AUTS2: variants seen among roughly 807,000 people sequenced by gnomAD.
AUTS2 encodes the protein activator of transcription and developmental regulator AUTS2.
Under a neutral mutation model 112.4 loss-of-function variants are expected in AUTS2, and 17 were observed. The ratio of observed to expected loss-of-function variants is 0.15; its 90% CI spans 0.10 to 0.23. The LOEUF (loss-of-function observed/expected upper bound fraction) is 0.23, where lower values mean the gene tolerates loss of function less well. Among genes scored for constraint, AUTS2 ranks in the 10% least tolerant of loss-of-function variants. The pLI, the probability that AUTS2 is intolerant of heterozygous loss-of-function variation, is 1.00. For missense variants in AUTS2, 1,510 were observed against 1,701.6 expected, an observed-to-expected ratio of 0.89 and a Z score of 1.98; for synonymous variants, 751 against 702.7, an observed-to-expected ratio of 1.07 and a Z score of -1.09.
chr7:70,387,078 T>C (rs1418646656), intron 4 of AUTS2, among the ~76,000 whole-genome samples: 2 of 152,144 alleles, frequency 1.3e-5, no homozygotes, highest in Non-Finnish European at 2.9e-5. Context: ...TACTCCACGT[T>C]CACACTTTTT....
intron 4 of AUTS2, among the ~76,000 whole-genome samples, chr7:70,315,925 T>A (rs1789973747): frequency 6.6e-6 from 1 of 152,240 alleles, no homozygotes. Flanking sequence ...GTACATATAT[T>A]ATTTAGTTGC....
chr7:70,345,613 G>T (rs1312870352), intron 4 of AUTS2, among the ~76,000 whole-genome samples: 1 of 152,092 alleles, frequency 6.6e-6, no homozygotes, highest in South Asian at 2.1e-4. Context: ...ACTATGAAAA[G>T]TAGACTATGT....
chr7:70,608,746 A>C (rs1014282654), intron 5 of AUTS2, among the ~76,000 whole-genome samples: 5 of 151,964 alleles, frequency 3.3e-5, no homozygotes, highest in African/African-American at 1.2e-4. Context: ...GGGAAAGTAG[A>C]TATGGCAGAG....
chr7:70,616,458 A>G (rs943911549), intron 5 of AUTS2, among the ~76,000 whole-genome samples: 5 of 152,190 alleles, frequency 3.3e-5, no homozygotes, highest in African/African-American at 1.2e-4. Flanking sequence ...GACGGGGCTG[A>G]TGCAGCTGCC....
chr7:70,772,151 C>T (rs369192804), intron 11 of AUTS2, among the ~76,000 whole-genome samples: 8 of 152,174 alleles, frequency 5.3e-5, no homozygotes, highest in South Asian at 2.1e-4. Flanking sequence ...CAGGGCCTGC[C>T]GGCAGGTGGG....
At position 70,766,220 on chromosome 7, in the gene AUTS2, T is replaced by C. The variant is rs1563183395; in HGVS notation, c.1575T>C (p.His525=). 1 of 1,614,048 alleles carries C rather than the reference T, an allele frequency of 6.2e-7. No individual in the cohort carries two copies. Among genetic ancestry groups the C allele is most frequent in the Non-Finnish European group, 8.5e-7 (1 of 1,180,012 alleles). The part of the protein sequence containing the change: ...GPPPYLRTEF[H]QHQHQHQHTH... ...CGCCCTACCTGCGGACCGAGTTCCA[T>C]CAGCACCAGCACCAGCACCAGCACA... is the stretch of plus-strand genomic sequence containing the variant. Residue 525 remains histidine (H), a synonymous_variant, in exon 9 of 19, where the codon CAT becomes CAC. Transcript: ENST00000342771. The surrounding 1 kb of genome is among the most constrained non-coding windows in gnomAD (Gnocchi z 4.8).
intron 1 of AUTS2, among the ~76,000 whole-genome samples, chr7:69,634,032 A>G (rs972332018): frequency 6.6e-6 from 1 of 151,926 alleles, no homozygotes; most frequent in Non-Finnish European, 1.5e-5. Flanking sequence ...AAAGTCCAGG[A>G]GTTTTTCCCC....
chr7:70,279,912 T>C (rs915278606), intron 4 of AUTS2, among the ~76,000 whole-genome samples: 2 of 152,206 alleles, frequency 1.3e-5, no homozygotes, highest in Admixed American at 6.5e-5. Context: ...TTATATAATA[T>C]AGCAGTAAAG....
intron 5 of AUTS2, among the ~76,000 whole-genome samples, chr7:70,528,050 C>T (rs34535074): frequency 0.079 from 11,812 of 150,250 alleles, 556 homozygotes; most frequent in African/African-American, 0.12. Context: ...TAACATAGAC[C>T]ATTAATTCCC....
chr7:70,503,193 A>G (rs958226532), intron 5 of AUTS2, among the ~76,000 whole-genome samples: 2 of 152,090 alleles, frequency 1.3e-5, no homozygotes, highest in African/African-American at 4.8e-5. Flanking sequence ...TTGGAAAGAG[A>G]AAGTTTGTCC....
At chr7:70,117,127 G>GTTTTTTTTTTT (rs1491008028) in intron 2 of AUTS2, among the ~76,000 whole-genome samples, 1 of 62,778 alleles carries the variant, frequency 1.6e-5, no homozygotes, top group Non-Finnish European at 3.2e-5. Context: ...GTTTTTTTTT[G>GTTTTTTTTTTT]TTTTTTTTTG....
At chr7:69,833,130 A>G (rs1452302604) in intron 1 of AUTS2, among the ~76,000 whole-genome samples, 2 of 152,052 alleles carry the variant, frequency 1.3e-5, no homozygotes, top group African/African-American at 2.4e-5. Context: ...GCTGGACTCC[A>G]CTCCTGGTGG....
At chr7:69,912,640 T>C (rs1016630557) in intron 2 of AUTS2, among the ~76,000 whole-genome samples, 6 of 152,236 alleles carry the variant, frequency 3.9e-5, no homozygotes, top group African/African-American at 1.4e-4. Context: ...GCCCCTGCTC[T>C]TCTCTTCCCC....
chr7:70,739,717 C>T (rs540526374), intron 6 of AUTS2, among the ~76,000 whole-genome samples: 160 of 151,626 alleles, frequency 1.1e-3, no homozygotes, highest in Non-Finnish European at 1.7e-3. Context: ...TGTAGCTTCC[C>T]GGCCACGTGG....
chr7:70,209,734 AATATTAATTGGGGCT>A (rs1429011744), intron 4 of AUTS2, among the ~76,000 whole-genome samples: 2 of 152,152 alleles, frequency 1.3e-5, no homozygotes, highest in Non-Finnish European at 2.9e-5. Context: ...CAGGACAAAT[AATATTAATTGGGGCT>A]TTATATTTCT....
chr7:70,769,279 G>A (rs554348714), intron 10 of AUTS2, among the ~76,000 whole-genome samples: 3 of 152,128 alleles, frequency 2.0e-5, no homozygotes, highest in Non-Finnish European at 2.9e-5. Context: ...CATATTTCAC[G>A]GGGACACCCA....
chr7:69,728,608 A>G (rs1277601235), intron 1 of AUTS2, among the ~76,000 whole-genome samples: 1 of 152,082 alleles, frequency 6.6e-6, no homozygotes, highest in Non-Finnish European at 1.5e-5. Context: ...AACGGGACAA[A>G]AAGTTACGCT....
chr7:70,459,555 A>G (rs1318752489), intron 5 of AUTS2, among the ~76,000 whole-genome samples: 4 of 152,184 alleles, frequency 2.6e-5, no homozygotes, highest in African/African-American at 9.7e-5. Context: ...TGTCCAGAGA[A>G]GACATTCTTA....
At chr7:69,604,555 A>G (rs1336454065) in intron 1 of AUTS2, among the ~76,000 whole-genome samples, 1 of 152,194 alleles carries the variant, frequency 6.6e-6, no homozygotes, top group African/African-American at 2.4e-5. Flanking sequence ...AGAAGGCTTC[A>G]TGGGTGGGGA....
Sources: allele counts gnomAD v4.1 joint callset (sites outside exome capture counted in the v4.1 genomes callset), GRCh38; gene constraint gnomAD v4.1.1; non-coding constraint Gnocchi (gnomAD v3.1); transcripts MANE v1.5; gene names NCBI Gene and HGNC (gene_info 2026-07-23, HGNC 2026-07-21).